ELOVL6: variants seen among roughly 807,000 people sequenced by gnomAD.
ELOVL6 encodes very long chain fatty acid elongase 6.
Under a neutral mutation model 31.7 loss-of-function variants are expected in ELOVL6, and 8 were observed. That is an observed-to-expected ratio of 0.25 (90% CI 0.15 to 0.45). The LOEUF (loss-of-function observed/expected upper bound fraction) is 0.45. Ranked by LOEUF, ELOVL6 falls within the 20% of genes least tolerant of loss-of-function variation. The pLI, the probability that ELOVL6 is intolerant of heterozygous loss-of-function variation, is 1.00. For synonymous variants in ELOVL6, 101 were observed against 117.7 expected (o/e 0.86, Z 0.92); for missense variants, 126 against 326.4 (o/e 0.39, Z 4.73).
rs375332200 is a variant in ELOVL6, at chr4:110,105,575, C to T, written c.143G>A (p.Arg48Gln). 149 of 1,613,436 alleles carry T rather than the reference C, an allele frequency of 9.2e-5. No individual in the cohort carries two copies. The highest frequency in any genetic ancestry group is 1.1e-4 in the Non-Finnish European group (131 of 1,179,668). The change falls in exon 2 of 4, where the codon CGG (arginine) becomes CAG (glutamine). Residue 48 changes from arginine (R) to glutamine (Q), a missense_variant. Physicochemically the swap from Arg to Gln is conservative, Grantham distance 43 (BLOSUM62 1). Around this residue, in one of 3 missense-constraint regions of ELOVL6, gnomAD observed 53 missense variants for 193.4 expected, o/e 0.27. Coordinates refer to ENST00000302274, the MANE Select transcript of ELOVL6 (RefSeq NM_024090.3). The part of the protein sequence containing the change: ...ALYAAFIFGG[R>Q]HLMNKRAKFE... The stretch of plus-strand genomic sequence containing the variant: ...CTTTGCTCGTTTATTCATTAGGTGC[C>T]GACCACCGAATATAAAGGCAGCATA...
In ELOVL6 at chr4:110,084,554, A is replaced by ATT. The variant is rs1421060434; in HGVS notation, c.221+20942_221+20943insAA. Among the ~76,000 whole-genome samples, 25 of 69,986 alleles carry ATT rather than the reference A, an allele frequency of 3.6e-4. 1 individual carries two copies. The highest frequency in any genetic ancestry group is 2.3e-3 in the African/African-American group (24 of 10,510). The allele number at this position is 69,986 out of a possible 152,430, so 45.9% of individuals were successfully genotyped here. A position where few individuals can be genotyped will look rare whatever the true frequency, so the allele number is the denominator to read the frequency against. ...CTTACACACACACACACACACACAC[A>ATT]CACACACAGATATATATATATATAT... On this transcript the variant is annotated intron_variant, in intron 2 of 3. Transcript: ENST00000302274.
chr4:110,149,912 C>T lies in ELOVL6; in HGVS notation c.90-44284G>A, dbSNP rs184179256. ...ACTGTATCCTATAGATTTTTGAGAG[C>T]GTAAATAAATGCCTTCTTAAATCTT... On this transcript the variant is annotated intron_variant, in intron 1 of 3. Transcript: ENST00000302274. Among the ~76,000 whole-genome samples, 48 of 152,126 alleles carry T rather than the reference C, an allele frequency of 3.2e-4. 1 individual carries two copies. Among genetic ancestry groups the T allele is most frequent in the Admixed American group, 2.2e-3 (34 of 15,284 alleles).
chr4:110,186,960 G>A (rs565994538), intron 1 of ELOVL6, among the ~76,000 whole-genome samples: 382 of 146,034 alleles, frequency 2.6e-3, no homozygotes, highest in South Asian at 0.01. Flanking sequence ...TCAATGTTCC[G>A]TGATTTCAAA....
chr4:110,057,759 G>A (rs1228909055), intron 3 of ELOVL6, among the ~76,000 whole-genome samples: 1 of 150,372 alleles, frequency 6.7e-6, no homozygotes, highest in African/African-American at 2.5e-5. Context: ...GCTGAGGCAC[G>A]AGAATTGTTT....
At chr4:110,166,077 G>A (rs1448100595) in intron 1 of ELOVL6, among the ~76,000 whole-genome samples, 2 of 152,132 alleles carry the variant, frequency 1.3e-5, no homozygotes, top group African/African-American at 4.8e-5. Flanking sequence ...CTGATCTGGA[G>A]GAAAGATACT....
chr4:110,101,701 T>C (rs1393640310), intron 2 of ELOVL6, among the ~76,000 whole-genome samples: 1 of 152,132 alleles, frequency 6.6e-6, no homozygotes, highest in East Asian at 1.9e-4. Context: ...TGAGACAGGG[T>C]CTCACTCTGC....
intron 1 of ELOVL6, among the ~76,000 whole-genome samples, chr4:110,136,362 A>G (rs1397533564): frequency 1.3e-5 from 2 of 152,214 alleles, no homozygotes; most frequent in Non-Finnish European, 2.9e-5. Context: ...GGGTTTGTCT[A>G]TAATAAAATG....
At chr4:110,083,150 T>C (rs201212318) in intron 2 of ELOVL6, among the ~76,000 whole-genome samples, 1 of 151,626 alleles carries the variant, frequency 6.6e-6, no homozygotes, top group Non-Finnish European at 1.5e-5. Flanking sequence ...AAAAGACAAA[T>C]CAATTTTCAC....
At chr4:110,150,858 C>G (rs1320570811) in intron 1 of ELOVL6, among the ~76,000 whole-genome samples, 2 of 152,062 alleles carry the variant, frequency 1.3e-5, no homozygotes, top group Non-Finnish European at 1.5e-5. Flanking sequence ...GCCTGGCCAA[C>G]ATGGTGAAAC....
At chr4:110,173,207 C>A (rs1386585334) in intron 1 of ELOVL6, among the ~76,000 whole-genome samples, 1 of 152,130 alleles carries the variant, frequency 6.6e-6, no homozygotes, top group Non-Finnish European at 1.5e-5. Context: ...AGCATGAGAA[C>A]AAACAGAGAG....
chr4:110,084,148 T>C (rs1211137687), intron 2 of ELOVL6, among the ~76,000 whole-genome samples: 2 of 78,666 alleles, frequency 2.5e-5, no homozygotes, highest in Non-Finnish European at 2.2e-5. Context: ...ATATATATGA[T>C]ATATATAACA....
intron 1 of ELOVL6, among the ~76,000 whole-genome samples, chr4:110,163,924 T>G (rs1758698855): frequency 6.6e-6 from 1 of 152,182 alleles, no homozygotes; most frequent in African/African-American, 2.4e-5. Flanking sequence ...GACAGGCAAT[T>G]TGGGAGCAAT....
intron 1 of ELOVL6, among the ~76,000 whole-genome samples, chr4:110,186,609 C>T (rs1304787495): frequency 6.6e-6 from 1 of 151,232 alleles, no homozygotes; most frequent in African/African-American, 2.4e-5. Flanking sequence ...TTCGAGACCA[C>T]CCTGGCCAAC....
chr4:110,167,669 G>C (rs992328099), intron 1 of ELOVL6, among the ~76,000 whole-genome samples: 7 of 142,950 alleles, frequency 4.9e-5, no homozygotes, highest in African/African-American at 2.0e-4. Flanking sequence ...ATGTATGTAT[G>C]TATGTATGTA....
At chr4:110,061,116 C>A (rs17041322) in intron 2 of ELOVL6, among the ~76,000 whole-genome samples, 7,111 of 152,226 alleles carry the variant, frequency 0.047, 412 homozygotes, top group African/African-American at 0.14. Context: ...CAGAGGATTA[C>A]TGTCATTTTA....
chr4:110,118,251 C>G (rs1757245747), intron 1 of ELOVL6, among the ~76,000 whole-genome samples: 1 of 151,764 alleles, frequency 6.6e-6, no homozygotes, highest in South Asian at 2.1e-4. Flanking sequence ...AGCCACTGCG[C>G]CTGGCCAGTG....
intron 1 of ELOVL6, among the ~76,000 whole-genome samples, chr4:110,163,564 G>C (rs1174658396): frequency 6.6e-6 from 1 of 152,198 alleles, no homozygotes; most frequent in African/African-American, 2.4e-5. Flanking sequence ...TAGTGTAGCA[G>C]ACTGGGATGA....
intron 2 of ELOVL6, among the ~76,000 whole-genome samples, chr4:110,098,370 G>A (rs1433519480): frequency 6.6e-6 from 1 of 152,064 alleles, no homozygotes; most frequent in Non-Finnish European, 1.5e-5. Flanking sequence ...GGCTACAATT[G>A]TTGCTCTTTC....
chr4:110,058,235 C>T (rs1343318370), intron 3 of ELOVL6, among the ~76,000 whole-genome samples: 14 of 152,190 alleles, frequency 9.2e-5, no homozygotes, highest in Admixed American at 9.2e-4. Flanking sequence ...ATGCATTTTA[C>T]CCTGAGACCG....
Sources: allele counts gnomAD v4.1 joint callset (sites outside exome capture counted in the v4.1 genomes callset), GRCh38; gene constraint gnomAD v4.1.1; regional missense constraint gnomAD v4.1.1; transcripts MANE v1.5; gene names NCBI Gene and HGNC (gene_info 2026-07-23, HGNC 2026-07-21).